The following TLK1 variants were observed in gnomAD, a reference collection of about 807,000 sequenced individuals.
TLK1 encodes serine/threonine-protein kinase tousled-like 1.
TLK1 carries 24 observed loss-of-function variants against 105.3 expected under a neutral mutation model. The ratio of observed to expected loss-of-function variants is 0.23; its 90% CI spans 0.17 to 0.32. The LOEUF (loss-of-function observed/expected upper bound fraction) is 0.32, where lower values mean the gene tolerates loss of function less well. TLK1 is among the 10% of genes least tolerant of loss of function. The probability of loss-of-function intolerance (pLI) is 1.00; values close to 1 mark genes in which losing one functional copy is unlikely to be tolerated. For missense variants in TLK1, 558 were observed against 910.5 expected, an observed-to-expected ratio of 0.61 and a Z score of 4.98; for synonymous variants, 321 against 310.4, an observed-to-expected ratio of 1.03 and a Z score of -0.36.
intron 2 of TLK1, among the ~76,000 whole-genome samples, chr2:171,085,456 G>T (rs1264672771): frequency 1.3e-5 from 2 of 151,846 alleles, no homozygotes; most frequent in Non-Finnish European, 2.9e-5. Context: ...GTCAGTTGTT[G>T]TTTTTTAAAT....
At chr2:170,999,540 G>T (rs533421756) in intron 18 of TLK1, among the ~76,000 whole-genome samples, 1 of 152,300 alleles carries the variant, frequency 6.6e-6, no homozygotes, top group South Asian at 2.1e-4. Context: ...CTTGGGAAAA[G>T]ATGTCCACCA....
At chr2:171,036,394 C>G (rs779111857) in intron 11 of TLK1, among the ~76,000 whole-genome samples, 42 of 152,034 alleles carry the variant, frequency 2.8e-4, no homozygotes, top group African/African-American at 4.1e-4. Context: ...GTCTCCCCCC[C>G]CAAAAAAAGC....
At chr2:171,156,342 T>C (rs564721247) in intron 1 of TLK1, among the ~76,000 whole-genome samples, 1 of 152,354 alleles carries the variant, frequency 6.6e-6, no homozygotes, top group Admixed American at 6.5e-5. Flanking sequence ...ATATTTATTC[T>C]TCATAAAAAA....
chr2:171,125,847 T>G (rs1484340787), intron 1 of TLK1, among the ~76,000 whole-genome samples: 2 of 152,184 alleles, frequency 1.3e-5, no homozygotes, highest in Admixed American at 1.3e-4. Flanking sequence ...TTTTTTGATG[T>G]TTTTAGCCAT....
intron 4 of TLK1, 67 bp downstream of exon 4, chr2:171,061,014 G>T: frequency 6.9e-7 from 1 of 1,440,394 alleles, no homozygotes; most frequent in Non-Finnish European, 9.6e-7. Context: ...AGTATTAATT[G>T]GTTAAAAATT....
intron 12 of TLK1, among the ~76,000 whole-genome samples, chr2:171,018,837 C>A (rs182765486): frequency 6.6e-6 from 1 of 152,000 alleles, no homozygotes; most frequent in African/African-American, 2.4e-5. Context: ...TCTCTGTAGG[C>A]TATTACAATG....
At chr2:171,123,494 C>T (rs1390141582) in intron 1 of TLK1, among the ~76,000 whole-genome samples, 11 of 152,156 alleles carry the variant, frequency 7.2e-5, no homozygotes, top group African/African-American at 2.4e-4. Context: ...TGAGCCACCA[C>T]GCCTGGCCTC....
Position 171,160,773 on chromosome 2 carries a change from C to T in TLK1, c.-345G>A. On this transcript the variant is annotated 5_prime_UTR_variant, in exon 1 of 21. Coordinates refer to ENST00000431350, the MANE Select transcript of TLK1 (RefSeq NM_012290.5). This position sits in a 1 kb window ranked among gnomAD's most constrained non-coding sequence, Gnocchi z 4.4. Reference sequence around the variant, plus strand: ...CGGGCGGAGCGCGGGCTGCGCCGGCCGAGGACACTTCCGCGGGCGGAACCT... The same window carrying T: ...CGGGCGGAGCGCGGGCTGCGCCGGCTGAGGACACTTCCGCGGGCGGAACCT... The T allele has an allele frequency of 2.4e-6, 1 of 412,086 alleles. No individual in the cohort carries two copies. Among genetic ancestry groups the T allele is most frequent in the Admixed American group, 4.5e-5 (1 of 22,290 alleles). The allele number at this position is 412,086 out of a possible 1,614,324, so 25.5% of individuals were successfully genotyped here. A position where few individuals can be genotyped will look rare whatever the true frequency, so the allele number is the denominator to read the frequency against.
At chr2:171,032,689 T>C (rs571120298) in intron 11 of TLK1, among the ~76,000 whole-genome samples, 2 of 152,124 alleles carry the variant, frequency 1.3e-5, no homozygotes, top group East Asian at 1.9e-4. Context: ...ACCTATGAAA[T>C]AGATCTGAAT....
chr2:171,163,050 C>T (rs1692544100), upstream of TLK1, among the ~76,000 whole-genome samples: 1 of 152,188 alleles, frequency 6.6e-6, no homozygotes. Context: ...CCTTGGCCTC[C>T]CAAAGTGCTG....
At chr2:171,186,560 C>T (rs912818564) in intron 1 of TLK1, among the ~76,000 whole-genome samples, 2 of 152,166 alleles carry the variant, frequency 1.3e-5, no homozygotes, top group Non-Finnish European at 2.9e-5. Context: ...AATTAAGAAG[C>T]GGACTTTATT....
chr2:171,174,872 C>A (rs1266179592), intron 1 of TLK1, among the ~76,000 whole-genome samples: 3 of 151,588 alleles, frequency 2.0e-5, no homozygotes, highest in African/African-American at 7.3e-5. Context: ...TAGAATATAA[C>A]TTTTAGTAAT....
chr2:171,013,581 C>CA (rs1204832812), intron 13 of TLK1, among the ~76,000 whole-genome samples: 2 of 152,086 alleles, frequency 1.3e-5, no homozygotes, highest in African/African-American at 4.8e-5. Flanking sequence ...GCAAGGATTA[C>CA]AGGCATAAGC....
intron 3 of TLK1, 43 bp from the exon 4 acceptor site, chr2:171,061,199 T>C: frequency 1.9e-6 from 3 of 1,589,786 alleles, no homozygotes; most frequent in South Asian, 1.1e-5. Flanking sequence ...ACAGTTTTAA[T>C]ATACAAAATT....
intron 1 of TLK1, among the ~76,000 whole-genome samples, chr2:171,176,736 C>G (rs531412828): frequency 6.6e-6 from 1 of 152,228 alleles, no homozygotes; most frequent in Admixed American, 6.5e-5. Context: ...TTGCCCTCAG[C>G]GTCCACAATG....
At chr2:171,018,883 GA>G (rs1685334425) in intron 12 of TLK1, among the ~76,000 whole-genome samples, 1 of 152,202 alleles carries the variant, frequency 6.6e-6, no homozygotes, top group Non-Finnish European at 1.5e-5. Context: ...CTGTATTAAA[GA>G]GAGAGGTAAG....
chr2:171,143,660 T>C (rs919556855), intron 1 of TLK1, among the ~76,000 whole-genome samples: 140 of 149,614 alleles, frequency 9.4e-4, no homozygotes, highest in African/African-American at 3.3e-3. Context: ...CTAAGATATA[T>C]AAATGTAAAC....
At chr2:171,044,083 A>G in intron 11 of TLK1, among the ~76,000 whole-genome samples, 1 of 152,224 alleles carries the variant, frequency 6.6e-6, no homozygotes, top group East Asian at 1.9e-4. Context: ...GGACTTTGAA[A>G]GATTAATACT....
chr2:171,206,069 G>C (rs761174825), intron 1 of TLK1, among the ~76,000 whole-genome samples: 1 of 152,134 alleles, frequency 6.6e-6, no homozygotes, highest in Non-Finnish European at 1.5e-5. Flanking sequence ...CATGCAAAAA[G>C]ATTCTTATTA....
Sources: gnomAD v4.1 joint callset for allele counts (sites outside exome capture counted in the v4.1 genomes callset) on GRCh38, gnomAD v4.1.1 for gene constraint, Gnocchi (gnomAD v3.1) non-coding constraint, MANE v1.5 for transcripts, NCBI Gene and HGNC (gene_info 2026-07-23, HGNC 2026-07-21) for gene names.